CDH13: variants seen among roughly 807,000 people sequenced by gnomAD.
CDH13 encodes cadherin-13.
A neutral mutation model predicts 63.8 loss-of-function variants in CDH13; 24 were observed. The ratio of observed to expected loss-of-function variants is 0.38; its 90% CI spans 0.27 to 0.53. CDH13 has a LOEUF of 0.53. Ranked by LOEUF, CDH13 falls within the 20% of genes least tolerant of loss-of-function variation. The probability of loss-of-function intolerance (pLI) is 0.85; values close to 1 mark genes in which losing one functional copy is unlikely to be tolerated. For missense variants in CDH13, 1,049 were observed against 903.1 expected, an observed-to-expected ratio of 1.16 and a Z score of -2.07; for synonymous variants, 503 against 355.3, an observed-to-expected ratio of 1.42 and a Z score of -4.67.
At chr16:82,685,132 T>C (rs1454509843) in intron 1 of CDH13, among the ~76,000 whole-genome samples, 1 of 152,210 alleles carries the variant, frequency 6.6e-6, no homozygotes, top group East Asian at 1.9e-4. Flanking sequence ...GAAAAAATAC[T>C]TCAGTTTTGT....
intron 5 of CDH13, among the ~76,000 whole-genome samples, chr16:83,219,007 G>A (rs1340551082): frequency 6.6e-6 from 1 of 152,172 alleles, no homozygotes; most frequent in Non-Finnish European, 1.5e-5. Flanking sequence ...GTGGAACTGT[G>A]AGTTCATTAA....
chr16:83,530,294 T>A (rs2075055283), intron 7 of CDH13, among the ~76,000 whole-genome samples: 1 of 152,214 alleles, frequency 6.6e-6, no homozygotes, highest in South Asian at 2.1e-4. Context: ...TCTGTAGGTC[T>A]CCATAGCTTG....
At chr16:82,976,363 G>C (rs1811620054) in intron 2 of CDH13, among the ~76,000 whole-genome samples, 1 of 152,122 alleles carries the variant, frequency 6.6e-6, no homozygotes, top group Non-Finnish European at 1.5e-5. Flanking sequence ...ACCTTTATTA[G>C]AGAATGTATC....
At chr16:83,427,341 A>G (rs1205327711) in intron 6 of CDH13, among the ~76,000 whole-genome samples, 2 of 152,116 alleles carry the variant, frequency 1.3e-5, no homozygotes, top group Admixed American at 1.3e-4. Flanking sequence ...TACAAGAGGG[A>G]TAGAGGAGGG....
chr16:83,420,841 C>T (rs1391246942), intron 6 of CDH13, among the ~76,000 whole-genome samples: 8 of 152,118 alleles, frequency 5.3e-5, no homozygotes, highest in African/African-American at 1.9e-4. Flanking sequence ...GGTGAAAGTC[C>T]CAGAGTCCAA....
In CDH13 at chr16:83,276,151, G is replaced by A. The variant is rs115029026; in HGVS notation, c.636+58654G>A. Among the ~76,000 whole-genome samples the A allele has an allele frequency of 4.8e-3, 726 of 152,214 alleles. 3 individuals carry two copies. The highest frequency in any genetic ancestry group is 0.014 in the African/African-American group (602 of 41,540). ...GCCCCACACTCTCAGGCTGTTGTCCGAATCCTTTCAAGGGACAGCCCAATC... is the reference window on the plus strand; with the variant it reads ...GCCCCACACTCTCAGGCTGTTGTCCAAATCCTTTCAAGGGACAGCCCAATC... On this transcript the variant is annotated intron_variant, in intron 5 of 13. Coordinates refer to ENST00000567109, the MANE Select transcript of CDH13 (RefSeq NM_001257.5).
At chr16:82,842,808 C>T (rs990568809) in intron 1 of CDH13, among the ~76,000 whole-genome samples, 3 of 152,160 alleles carry the variant, frequency 2.0e-5, no homozygotes, top group African/African-American at 7.2e-5. Context: ...TAGACAGTCT[C>T]ATCTAGGGTG....
At chr16:82,709,645 G>T (rs932493148) in intron 1 of CDH13, among the ~76,000 whole-genome samples, 2 of 152,350 alleles carry the variant, frequency 1.3e-5, no homozygotes, top group African/African-American at 2.4e-5. Context: ...GACATAGCAA[G>T]TGTTGGCTGA....
intron 3 of CDH13, among the ~76,000 whole-genome samples, chr16:83,094,555 A>G (rs1468485571): frequency 6.6e-6 from 1 of 152,090 alleles, no homozygotes; most frequent in Non-Finnish European, 1.5e-5. Flanking sequence ...TCAGGAAGGG[A>G]GTATAATCTT....
chr16:83,140,599 G>A (rs894257346), intron 4 of CDH13, among the ~76,000 whole-genome samples: 7 of 152,046 alleles, frequency 4.6e-5, no homozygotes, highest in Non-Finnish European at 7.4e-5. Flanking sequence ...GATTACAGGC[G>A]CCTGCCACCA....
intron 1 of CDH13, among the ~76,000 whole-genome samples, chr16:82,716,905 A>G (rs974375179): frequency 6.6e-6 from 1 of 151,962 alleles, no homozygotes; most frequent in Non-Finnish European, 1.5e-5. Flanking sequence ...TCTAGGGCTC[A>G]TTCCTTCTTC....
At chr16:82,896,649 A>G (rs1414412111) in intron 2 of CDH13, among the ~76,000 whole-genome samples, 1 of 151,998 alleles carries the variant, frequency 6.6e-6, no homozygotes, top group Non-Finnish European at 1.5e-5. Flanking sequence ...CTGGGAGATC[A>G]AATGAGGTGG....
At chr16:82,723,976 T>G (rs2032940848) in intron 1 of CDH13, among the ~76,000 whole-genome samples, 1 of 152,112 alleles carries the variant, frequency 6.6e-6, no homozygotes, top group South Asian at 2.1e-4. Flanking sequence ...GAAATAACTC[T>G]GGTAAGTGCC....
In CDH13 at chr16:83,615,550, A is replaced by T. The variant is rs868146729; in HGVS notation, c.1101+12956A>T. Among the ~76,000 whole-genome samples, 8 of 152,124 alleles carry T rather than the reference A, an allele frequency of 5.3e-5. No homozygotes were observed. The South Asian group carries it at 1.7e-3, about 31-fold the overall frequency. ...GATACTGTAAAATCACATATCTGAC[A>T]GTTTTCAGTGTGGCTGAGGTTTTAA... On this transcript the variant is annotated intron_variant, in intron 8 of 13. Coordinates refer to ENST00000567109, the MANE Select transcript of CDH13 (RefSeq NM_001257.5).
At chr16:82,771,788 C>T (rs1202685363) in intron 1 of CDH13, among the ~76,000 whole-genome samples, 1 of 152,190 alleles carries the variant, frequency 6.6e-6, no homozygotes, top group African/African-American at 2.4e-5. Context: ...CTGAGTTTGG[C>T]AAGAGGGAGA....
chr16:82,988,694 G>A (rs916345115), intron 2 of CDH13, among the ~76,000 whole-genome samples: 7 of 151,750 alleles, frequency 4.6e-5, no homozygotes, highest in Admixed American at 4.6e-4. Flanking sequence ...CCCGGCTGGC[G>A]GAGGTTGCAG....
At chr16:83,121,359 T>C (rs2151637882) in intron 3 of CDH13, among the ~76,000 whole-genome samples, 1 of 152,370 alleles carries the variant, frequency 6.6e-6, no homozygotes, top group Middle Eastern at 3.4e-3. Context: ...GCTAGGTAAA[T>C]TGGAGCAGTT....
intron 3 of CDH13, among the ~76,000 whole-genome samples, chr16:83,123,023 T>C (rs999304778): frequency 5.3e-5 from 8 of 152,160 alleles, no homozygotes; most frequent in African/African-American, 1.9e-4. Context: ...AGTGAAAATA[T>C]GCGGCATTTT....
In CDH13 at chr16:83,214,448, C is replaced by A. The variant is rs951158284; in HGVS notation, c.484-2897C>A. ...TATAAAAATTAGCCAGGCATGGTGG[C>A]GTGTGCCTGTAGTTCCACCTACTTA... On this transcript the variant is annotated intron_variant, in intron 4 of 13. Transcript: ENST00000567109. 4.9e-4 allele frequency among the ~76,000 whole-genome samples: 74 copies of A among 151,666 alleles called. 1 individual carries two copies. Among genetic ancestry groups the A allele is most frequent in the African/African-American group, 1.8e-3 (73 of 41,370 alleles).
Sources: allele counts gnomAD v4.1 joint callset (sites outside exome capture counted in the v4.1 genomes callset), GRCh38; gene constraint gnomAD v4.1.1; transcripts MANE v1.5; gene names NCBI Gene and HGNC (gene_info 2026-07-23, HGNC 2026-07-21).